Variants in PRKN observed in about 807,000 individuals in gnomAD.
The protein encoded by PRKN is E3 ubiquitin-protein ligase parkin.
A neutral mutation model predicts 59.5 loss-of-function variants in PRKN; 56 were observed. The observed-to-expected ratio is 0.94, with a 90% confidence interval of 0.76 to 1.18. The LOEUF (loss-of-function observed/expected upper bound fraction) is 1.18, where lower values mean the gene tolerates loss of function less well. Ranked by LOEUF, PRKN falls within the 50% of genes most tolerant of loss-of-function variation. The pLI, the probability that PRKN is intolerant of heterozygous loss-of-function variation, is 0.00. For missense variants in PRKN, 657 were observed against 596.4 expected, an observed-to-expected ratio of 1.10 and a Z score of -1.06; for synonymous variants, 250 against 222.1, an observed-to-expected ratio of 1.13 and a Z score of -1.12.
intron 7 of PRKN, among the ~76,000 whole-genome samples, chr6:161,701,431 AT>A (rs1032794012): frequency 8.5e-5 from 13 of 152,176 alleles, no homozygotes; most frequent in African/African-American, 3.1e-4. Context: ...AAAGTTGCTG[AT>A]TTTTTATACC....
At chr6:162,004,934 A>G (rs898648710) in intron 5 of PRKN, among the ~76,000 whole-genome samples, 2 of 152,244 alleles carry the variant, frequency 1.3e-5, no homozygotes, top group Admixed American at 1.3e-4. Flanking sequence ...TTGAATTGGC[A>G]TTATTTTGCA....
intron 1 of PRKN, among the ~76,000 whole-genome samples, chr6:162,642,995 T>C (rs1164860651): frequency 6.6e-6 from 1 of 152,186 alleles, no homozygotes; most frequent in East Asian, 1.9e-4. Context: ...TTAAAAGTTT[T>C]GTATATCCTT....
chr6:162,130,370 T>C (rs1191543803), intron 4 of PRKN, among the ~76,000 whole-genome samples: 1 of 152,148 alleles, frequency 6.6e-6, no homozygotes, highest in African/African-American at 2.4e-5. Flanking sequence ...ATCAAACCTC[T>C]TCACGGGTAA....
chr6:162,219,674 G>T (rs2128079901), intron 3 of PRKN, among the ~76,000 whole-genome samples: 1 of 151,634 alleles, frequency 6.6e-6, no homozygotes, highest in South Asian at 2.1e-4. Context: ...TCACAAATGG[G>T]TATCTTCAAT....
At chr6:161,672,008 G>A (rs1784926937) in intron 7 of PRKN, among the ~76,000 whole-genome samples, 1 of 152,150 alleles carries the variant, frequency 6.6e-6, no homozygotes, top group African/African-American at 2.4e-5. Context: ...CTCTTGCTTG[G>A]AGCGGTCCAC....
At position 161,518,875 on chromosome 6, in the gene PRKN, C is replaced by T. The variant is rs1438574191; in HGVS notation, c.1083+29979G>A. 4.0e-5 allele frequency among the ~76,000 whole-genome samples: 6 copies of T among 151,862 alleles called. No individual in the cohort carries two copies. Among genetic ancestry groups the T allele is most frequent in the Non-Finnish European group, 2.9e-5 (2 of 68,038 alleles). On this transcript the variant is annotated intron_variant, in intron 9 of 11. Coordinates refer to ENST00000366898, the MANE Select transcript of PRKN (RefSeq NM_004562.3). This position sits in a 1 kb window ranked among gnomAD's most constrained non-coding sequence, Gnocchi z 5.0. ...CAGCTCTCACTCAGAGAGCAGCCCTCCACACCAATGTCAGGGAGAGGAAGG... is the reference window on the plus strand; with the variant it reads ...CAGCTCTCACTCAGAGAGCAGCCCTTCACACCAATGTCAGGGAGAGGAAGG...
intron 9 of PRKN, among the ~76,000 whole-genome samples, chr6:161,437,194 C>T (rs1030420595): frequency 1.3e-5 from 2 of 152,142 alleles, no homozygotes; most frequent in African/African-American, 2.4e-5. Context: ...ACACAAGCTA[C>T]GTGAATGTGG....
rs34279714 is a variant in PRKN, at chr6:161,352,771, A to ATATTTTTTTTTT, written c.1286-2561_1286-2560insAAAAAAAAAATA. ...TGTGTGTGTGTATATATATATATAT[A>ATATTTTTTTTTT]TTTTATTTTATTTTATTTTATTTTT... On this transcript the variant is annotated intron_variant, in intron 11 of 11. Coordinates refer to ENST00000366898, the MANE Select transcript of PRKN (RefSeq NM_004562.3). The surrounding 1 kb of genome is among the most constrained non-coding windows in gnomAD (Gnocchi z 5.8). 7.7e-5 allele frequency among the ~76,000 whole-genome samples: 9 copies of ATATTTTTTTTTT among 116,900 alleles called. No individual in the cohort carries two copies. The highest frequency in any genetic ancestry group is 4.0e-4 in the East Asian group (2 of 4,976). 76.7% of individuals were successfully genotyped at this position (116,900 alleles called of 152,430 possible). A position where few individuals can be genotyped will look rare whatever the true frequency, so the allele number is the denominator to read the frequency against.
At chr6:161,762,148 A>T (rs1789229976) in intron 7 of PRKN, among the ~76,000 whole-genome samples, 1 of 152,208 alleles carries the variant, frequency 6.6e-6, no homozygotes, top group Admixed American at 6.5e-5. Flanking sequence ...AAGAAAGAAA[A>T]CTAGGCTGAT....
At chr6:162,531,973 C>CT (rs1778533994) in intron 1 of PRKN, among the ~76,000 whole-genome samples, 1 of 151,820 alleles carries the variant, frequency 6.6e-6, no homozygotes, top group Non-Finnish European at 1.5e-5. Flanking sequence ...ACAAAACTTA[C>CT]TTTATCTACA....
chr6:162,581,498 C>T (rs1346299463), intron 1 of PRKN, among the ~76,000 whole-genome samples: 3 of 152,240 alleles, frequency 2.0e-5, no homozygotes, highest in Non-Finnish European at 4.4e-5. Flanking sequence ...CGGTGGCTCA[C>T]GCCTGTAATC....
At chr6:161,895,969 G>C (rs1777611299) in intron 6 of PRKN, among the ~76,000 whole-genome samples, 1 of 152,128 alleles carries the variant, frequency 6.6e-6, no homozygotes, top group South Asian at 2.1e-4. Flanking sequence ...TGAGCTGGTG[G>C]GAAGTGAACA....
intron 2 of PRKN, among the ~76,000 whole-genome samples, chr6:162,364,965 C>G (rs1315287257): frequency 7.5e-6 from 1 of 133,774 alleles, no homozygotes; most frequent in Non-Finnish European, 1.7e-5. Context: ...TCTTCTCCCT[C>G]TCTCTCTCTC....
At chr6:162,251,753 C>A (rs992225161) in intron 3 of PRKN, among the ~76,000 whole-genome samples, 3 of 152,150 alleles carry the variant, frequency 2.0e-5, no homozygotes, top group Non-Finnish European at 4.4e-5. Context: ...TCACAAACTA[C>A]TCAGTAATTT....
intron 4 of PRKN, among the ~76,000 whole-genome samples, chr6:162,119,055 T>TC (rs1780796310): frequency 6.6e-6 from 1 of 152,210 alleles, no homozygotes; most frequent in African/African-American, 2.4e-5. Flanking sequence ...ATAGATATTA[T>TC]AGTAGTAAGT....
intron 1 of PRKN, among the ~76,000 whole-genome samples, chr6:162,711,095 G>A (rs536024548): frequency 2.1e-4 from 32 of 152,324 alleles, no homozygotes; most frequent in Admixed American, 1.4e-3. Flanking sequence ...GCTAAAAGCC[G>A]ATGGTGGTCT....
chr6:161,499,466 T>G lies in PRKN; in HGVS notation c.1083+49388A>C, dbSNP rs77096219. Among the ~76,000 whole-genome samples, 1,528 of 152,152 alleles carry G rather than the reference T, an allele frequency of 0.01. 19 individuals are homozygous for G. Among genetic ancestry groups the G allele is most frequent in the East Asian group, 0.028 (143 of 5,156 alleles). On this transcript the variant is annotated intron_variant, in intron 9 of 11. Transcript: ENST00000366898. This position sits in a 1 kb window ranked among gnomAD's most constrained non-coding sequence, Gnocchi z 4.2. Reference sequence around the variant, plus strand: ...AGCTAAGATCAGTGTTTCCCACCCCTCATTTCTCTCGTTCATGTCACCTGT... The same window carrying G: ...AGCTAAGATCAGTGTTTCCCACCCCGCATTTCTCTCGTTCATGTCACCTGT...
chr6:162,350,114 TA>T (rs1784564756), intron 2 of PRKN, among the ~76,000 whole-genome samples: 1 of 151,822 alleles, frequency 6.6e-6, no homozygotes. Flanking sequence ...TAAAAAAATA[TA>T]AAACAGGAAA....
chr6:162,247,068 T>C (rs1779229291), intron 3 of PRKN, among the ~76,000 whole-genome samples: 1 of 152,188 alleles, frequency 6.6e-6, no homozygotes, highest in Admixed American at 6.6e-5. Flanking sequence ...TTAGTTTTGC[T>C]ACTTTAGGAG....
Sources: gnomAD v4.1 joint callset for allele counts (sites outside exome capture counted in the v4.1 genomes callset) on GRCh38, gnomAD v4.1.1 for gene constraint, Gnocchi (gnomAD v3.1) non-coding constraint, MANE v1.5 for transcripts, NCBI Gene and HGNC (gene_info 2026-07-23, HGNC 2026-07-21) for gene names.